The following PPP2R2C variants were observed in gnomAD, a reference collection of about 807,000 sequenced individuals.
PPP2R2C encodes the protein protein phosphatase 2 regulatory subunit Bgamma, also known as protein phosphatase 2, regulatory subunit B, gamma.
Under a neutral mutation model 45.3 loss-of-function variants are expected in PPP2R2C, and 10 were observed. The ratio of observed to expected loss-of-function variants is 0.22; its 90% confidence interval spans 0.14 to 0.37. PPP2R2C has a LOEUF of 0.37. Ranked by LOEUF, PPP2R2C falls within the 10% of genes least tolerant of loss-of-function variation. PPP2R2C has a pLI of 1.00. For missense variants in PPP2R2C, 308 were observed against 619.7 expected, an observed-to-expected ratio of 0.50 and a Z score of 5.34; for synonymous variants, 257 against 245.4, an observed-to-expected ratio of 1.05 and a Z score of -0.44.
chr4:6,508,316 G>A (rs556259075), intron 2 of PPP2R2C, among the ~76,000 whole-genome samples: 66 of 152,334 alleles, frequency 4.3e-4, no homozygotes, highest in African/African-American at 1.6e-3. Context: ...GCCAGGTGCG[G>A]TGGCTCACGC....
At chr4:6,379,094 C>T (rs148580655) in intron 2 of PPP2R2C, among the ~76,000 whole-genome samples, 6 of 152,262 alleles carry the variant, frequency 3.9e-5, no homozygotes, top group Admixed American at 3.9e-4. Context: ...ACGTGTCCAA[C>T]TCAGGCCTGA....
At chr4:6,540,410 TC>T (rs142562191) in intron 1 of PPP2R2C, among the ~76,000 whole-genome samples, 2,873 of 152,340 alleles carry the variant, frequency 0.019, 75 homozygotes, top group African/African-American at 0.065. Flanking sequence ...AGGGCTTCCT[TC>T]CTTTTTAGGG....
In PPP2R2C at chr4:6,324,814, TG is replaced by T. The variant is rs1731821823; in HGVS notation, c.1053-1222del. Among the ~76,000 whole-genome samples, 1 of 152,232 alleles carries T rather than the reference TG, an allele frequency of 6.6e-6. No individual in the cohort carries two copies. The highest frequency in any genetic ancestry group is 2.1e-4 in the South Asian group (1 of 4,838). On this transcript the variant is annotated intron_variant, in intron 8 of 8. Transcript: ENST00000382599. This position sits in a 1 kb window ranked among gnomAD's most constrained non-coding sequence, Gnocchi z 4.1. ...AGAGGCAGGAGAGAAAGCACAGTTC[TG>T]TGGGCCTGCGCCCAGAGGGAGGGTT...
At chr4:6,415,600 G>T (rs1456470498) in intron 1 of PPP2R2C, among the ~76,000 whole-genome samples, 1 of 152,160 alleles carries the variant, frequency 6.6e-6, no homozygotes, top group African/African-American at 2.4e-5. Context: ...AGATACCAGA[G>T]CAGCCACCAG....
chr4:6,415,155 G>A (rs530824532), intron 1 of PPP2R2C, among the ~76,000 whole-genome samples: 2 of 152,312 alleles, frequency 1.3e-5, no homozygotes, highest in East Asian at 3.9e-4. Flanking sequence ...GACCTGCCAG[G>A]GCCTTCTCTC....
At chr4:6,538,335 T>C (rs1429016423) in intron 1 of PPP2R2C, among the ~76,000 whole-genome samples, 1 of 152,020 alleles carries the variant, frequency 6.6e-6, no homozygotes, top group Non-Finnish European at 1.5e-5. Context: ...GGTACAGATA[T>C]CGGCATGGAG....
intron 2 of PPP2R2C, among the ~76,000 whole-genome samples, chr4:6,491,077 T>C (rs1722686435): frequency 2.0e-5 from 3 of 152,160 alleles, no homozygotes; most frequent in Non-Finnish European, 2.9e-5. Flanking sequence ...TCTGTGTCAC[T>C]CACAGATCTG....
At chr4:6,463,689 C>A (rs1721447513) in intron 1 of PPP2R2C, among the ~76,000 whole-genome samples, 1 of 152,226 alleles carries the variant, frequency 6.6e-6, no homozygotes. Context: ...TTTGCACACA[C>A]CGTTCCTCCT....
At chr4:6,548,193 G>A (rs1413197771) in intron 1 of PPP2R2C, among the ~76,000 whole-genome samples, 1 of 152,016 alleles carries the variant, frequency 6.6e-6, no homozygotes, top group Non-Finnish European at 1.5e-5. Flanking sequence ...ACTCCAGCCG[G>A]GGCAACAGAG....
At chr4:6,484,948 G>A (rs527965825) in intron 2 of PPP2R2C, among the ~76,000 whole-genome samples, 6 of 151,706 alleles carry the variant, frequency 4.0e-5, no homozygotes, top group South Asian at 2.1e-4. Flanking sequence ...TAGCTATAAC[G>A]TCGAGAAGAA....
chr4:6,374,066 C>G (rs1401267587), intron 4 of PPP2R2C, among the ~76,000 whole-genome samples: 1 of 152,056 alleles, frequency 6.6e-6, no homozygotes, highest in African/African-American at 2.4e-5. Flanking sequence ...TGCACGTATT[C>G]CTGTGTCAGA....
chr4:6,381,155 T>C, intron 1 of PPP2R2C, 61 bp from the exon 2 acceptor site: 1 of 1,552,762 alleles, frequency 6.4e-7, no homozygotes, highest in Non-Finnish European at 8.7e-7. Context: ...TCCCGGGTGC[T>C]CAACAGTGCC....
intron 1 of PPP2R2C, among the ~76,000 whole-genome samples, chr4:6,431,638 G>C (rs1209326055): frequency 6.6e-6 from 1 of 152,158 alleles, no homozygotes; most frequent in African/African-American, 2.4e-5. Context: ...ACTTGTATCT[G>C]GACCTCCCCT....
At chr4:6,418,719 G>C (rs1718767601) in intron 1 of PPP2R2C, among the ~76,000 whole-genome samples, 1 of 152,260 alleles carries the variant, frequency 6.6e-6, no homozygotes, top group Non-Finnish European at 1.5e-5. Flanking sequence ...TGTCATGGAA[G>C]TCACTGCTAG....
chr4:6,544,080 C>A (rs542335934), intron 1 of PPP2R2C, among the ~76,000 whole-genome samples: 1 of 152,086 alleles, frequency 6.6e-6, no homozygotes, highest in African/African-American at 2.4e-5. Flanking sequence ...CTCACCCTGG[C>A]CCCATTTGTT....
At chr4:6,424,095 C>A (rs1719139999) in intron 1 of PPP2R2C, among the ~76,000 whole-genome samples, 1 of 152,216 alleles carries the variant, frequency 6.6e-6, no homozygotes, top group Non-Finnish European at 1.5e-5. Context: ...CCAGGAGGCT[C>A]TTCCTCACAG....
chr4:6,560,353 C>CT, intron 1 of PPP2R2C, among the ~76,000 whole-genome samples: 1 of 152,332 alleles, frequency 6.6e-6, no homozygotes, highest in African/African-American at 2.4e-5. Context: ...ATAAGATTTG[C>CT]TTTTTTTCTG....
At chr4:6,400,310 C>T (rs80320190) in intron 1 of PPP2R2C, among the ~76,000 whole-genome samples, 9,579 of 152,096 alleles carry the variant, frequency 0.063, 686 homozygotes, top group African/African-American at 0.17. Flanking sequence ...GATACACACG[C>T]CACTCTTCTC....
rs71599892 is a variant in PPP2R2C, at chr4:6,424,987, C to G, written c.71-43893G>C. Reference sequence around the variant, plus strand: ...CTGTAAAATGGGGACACAAGAGTCTCTACTTTTAGGGCCATCATGAAGAAT... The same window carrying G: ...CTGTAAAATGGGGACACAAGAGTCTGTACTTTTAGGGCCATCATGAAGAAT... On this transcript the variant is annotated intron_variant, in intron 1 of 8. Coordinates refer to ENST00000382599, the MANE Select transcript of PPP2R2C (RefSeq NM_020416.4). Among the ~76,000 whole-genome samples, 1,170 of 152,320 alleles carry G rather than the reference C, an allele frequency of 7.7e-3. 13 individuals carry two copies. The highest frequency in any genetic ancestry group is 0.037 in the Middle Eastern group (11 of 294).
Sources: gnomAD v4.1 joint callset for allele counts (sites outside exome capture counted in the v4.1 genomes callset) on GRCh38, gnomAD v4.1.1 for gene constraint, Gnocchi (gnomAD v3.1) non-coding constraint, MANE v1.5 for transcripts, NCBI Gene and HGNC (gene_info 2026-07-23, HGNC 2026-07-21) for gene names.